Variants in GUCY1A2 observed in about 807,000 individuals in gnomAD.
GUCY1A2 encodes guanylate cyclase 1 soluble subunit alpha 2.
In GUCY1A2, 27 loss-of-function variants were observed where a neutral mutation model predicts 63.5. That is an observed-to-expected ratio of 0.43 (90% CI 0.31 to 0.59). The LOEUF (loss-of-function observed/expected upper bound fraction) is 0.59, where lower values mean the gene tolerates loss of function less well. GUCY1A2 is among the 20% of genes least tolerant of loss of function. The probability of loss-of-function intolerance (pLI) is 0.11; values close to 1 mark genes in which losing one functional copy is unlikely to be tolerated. For missense variants in GUCY1A2, 768 were observed against 913.3 expected, an observed-to-expected ratio of 0.84 and a Z score of 2.05; for synonymous variants, 364 against 343.5, an observed-to-expected ratio of 1.06 and a Z score of -0.66.
chr11:106,991,193 G>A (rs1247040614), intron 1 of GUCY1A2, among the ~76,000 whole-genome samples: 1 of 151,638 alleles, frequency 6.6e-6, no homozygotes, highest in Non-Finnish European at 1.5e-5. Context: ...TAGAGATGGG[G>A]ATTTCACTAT....
chr11:106,821,223 T>C (rs1430399845), intron 4 of GUCY1A2, among the ~76,000 whole-genome samples: 1 of 152,222 alleles, frequency 6.6e-6, no homozygotes, highest in Non-Finnish European at 1.5e-5. Context: ...TATGAAATGT[T>C]TATGTTTTGC....
intron 4 of GUCY1A2, among the ~76,000 whole-genome samples, chr11:106,903,829 T>G (rs1860167773): frequency 6.6e-6 from 1 of 152,180 alleles, no homozygotes; most frequent in Non-Finnish European, 1.5e-5. Context: ...AGCCTTCTTG[T>G]AAGAATAGTA....
intron 4 of GUCY1A2, among the ~76,000 whole-genome samples, chr11:106,868,571 G>C (rs1185667469): frequency 1.3e-5 from 2 of 152,038 alleles, no homozygotes; most frequent in African/African-American, 4.8e-5. Flanking sequence ...ACCTCTTCAA[G>C]GAGAACTACA....
intron 4 of GUCY1A2, among the ~76,000 whole-genome samples, chr11:106,885,326 T>G (rs1377938058): frequency 3.9e-5 from 6 of 152,118 alleles, no homozygotes; most frequent in African/African-American, 1.4e-4. Flanking sequence ...ATGAGTAAAT[T>G]TATCCATCAA....
intron 5 of GUCY1A2, among the ~76,000 whole-genome samples, chr11:106,797,435 T>C (rs11211915): frequency 0.38 from 57,624 of 151,956 alleles, 11,013 homozygotes; most frequent in Middle Eastern, 0.41. Flanking sequence ...GTGGACCTAA[T>C]AGACATCTAC....
chr11:106,913,829 G>C (rs1172713913), intron 4 of GUCY1A2, among the ~76,000 whole-genome samples: 1 of 151,732 alleles, frequency 6.6e-6, no homozygotes, highest in Non-Finnish European at 1.5e-5. Context: ...TTTCCTATAG[G>C]GGAAAATACC....
chr11:106,899,009 C>G (rs1015079729), intron 4 of GUCY1A2, among the ~76,000 whole-genome samples: 1 of 152,142 alleles, frequency 6.6e-6, no homozygotes, highest in African/African-American at 2.4e-5. Context: ...GAACCTAAAA[C>G]TACTCGAAAA....
intron 2 of GUCY1A2, 150 bp downstream of exon 2, chr11:106,985,920 C>A (rs1861394577): frequency 3.4e-6 from 2 of 588,034 alleles, no homozygotes; most frequent in Non-Finnish European, 6.1e-6. Context: ...AGGGACTCCC[C>A]CAATAAGCCT....
chr11:107,004,575 C>T (rs190014720), intron 1 of GUCY1A2, among the ~76,000 whole-genome samples: 53 of 152,190 alleles, frequency 3.5e-4, no homozygotes, highest in African/African-American at 1.2e-3. Context: ...GCAAAGCCCA[C>T]AGAGAGCAAC....
chr11:106,780,423 C>G (rs1227216444), intron 5 of GUCY1A2, among the ~76,000 whole-genome samples: 1 of 152,136 alleles, frequency 6.6e-6, no homozygotes, highest in Non-Finnish European at 1.5e-5. Context: ...CAGTGTATTT[C>G]TCATTCATTC....
chr11:106,910,071 T>G (rs1172015421), intron 4 of GUCY1A2, among the ~76,000 whole-genome samples: 1 of 152,026 alleles, frequency 6.6e-6, no homozygotes, highest in Non-Finnish European at 1.5e-5. Context: ...CATTTATGTA[T>G]AAAAGTTATT....
chr11:106,854,650 G>A (rs139460354), intron 4 of GUCY1A2, among the ~76,000 whole-genome samples: 9 of 152,286 alleles, frequency 5.9e-5, no homozygotes, highest in Non-Finnish European at 1.3e-4. Flanking sequence ...TCAGGGCCCC[G>A]GATGGATGAG....
intron 4 of GUCY1A2, among the ~76,000 whole-genome samples, chr11:106,917,641 T>C (rs1447907301): frequency 7.0e-6 from 1 of 143,246 alleles, no homozygotes; most frequent in Non-Finnish European, 1.6e-5. Flanking sequence ...ATGTCCTTTG[T>C]AGGGACGTGG....
At chr11:106,842,661 A>T (rs1591298732) in intron 4 of GUCY1A2, among the ~76,000 whole-genome samples, 1 of 151,920 alleles carries the variant, frequency 6.6e-6, no homozygotes, top group Non-Finnish European at 1.5e-5. Flanking sequence ...TTGCATCTGT[A>T]TTTAGAGCGG....
chr11:106,821,756 C>G (rs906061777), intron 4 of GUCY1A2, among the ~76,000 whole-genome samples: 1 of 152,038 alleles, frequency 6.6e-6, no homozygotes, highest in East Asian at 1.9e-4. Context: ...TCTGACCCAG[C>G]CAATTTAACA....
intron 6 of GUCY1A2, among the ~76,000 whole-genome samples, chr11:106,718,470 T>C (rs1863255814): frequency 1.3e-5 from 2 of 152,084 alleles, no homozygotes; most frequent in Admixed American, 1.3e-4. Flanking sequence ...GCAATATGGC[T>C]CAAATTCACC....
At chr11:106,775,970 A>G (rs1379764101) in intron 6 of GUCY1A2, among the ~76,000 whole-genome samples, 1 of 152,154 alleles carries the variant, frequency 6.6e-6, no homozygotes, top group African/African-American at 2.4e-5. Context: ...ACAGGCTGCA[A>G]TCTTCAAACT....
At chr11:106,990,648 G>T (rs1861459552) in intron 1 of GUCY1A2, among the ~76,000 whole-genome samples, 1 of 152,238 alleles carries the variant, frequency 6.6e-6, no homozygotes, top group Non-Finnish European at 1.5e-5. Context: ...CAAAATACAT[G>T]TATGTCTCAA....
chr11:106,692,812 T>A (rs1359740493), intron 7 of GUCY1A2, among the ~76,000 whole-genome samples: 1 of 152,150 alleles, frequency 6.6e-6, no homozygotes, highest in Non-Finnish European at 1.5e-5. Context: ...TGAGTTTTGC[T>A]GAAAATGTCT....
Sources: gnomAD v4.1 joint callset for allele counts (sites outside exome capture counted in the v4.1 genomes callset) on GRCh38, gnomAD v4.1.1 for gene constraint, MANE v1.5 for transcripts, NCBI Gene and HGNC (gene_info 2026-07-23, HGNC 2026-07-21) for gene names.